SFSWAP: variants seen among roughly 807,000 people sequenced by gnomAD.
SFSWAP encodes splicing factor, suppressor of white-apricot homolog.
SFSWAP carries 17 observed loss-of-function variants against 100.7 expected under a neutral mutation model. That is an observed-to-expected ratio of 0.17 (90% CI 0.12 to 0.25). SFSWAP has a LOEUF of 0.25. Ranked by LOEUF, SFSWAP falls within the 10% of genes least tolerant of loss-of-function variation. The pLI, the probability that SFSWAP is intolerant of heterozygous loss-of-function variation, is 1.00. For missense variants in SFSWAP, 1,005 were observed against 1,262.6 expected (o/e 0.80, Z 3.09); for synonymous variants, 504 against 510.1 (o/e 0.99, Z 0.16).
At chr12:131,729,671 A>T (rs1323034192) in intron 7 of SFSWAP, among the ~76,000 whole-genome samples, 1 of 152,202 alleles carries the variant, frequency 6.6e-6, no homozygotes, top group African/African-American at 2.4e-5. Context: ...TTCCAGCGTC[A>T]GGTCTTTCTG....
intron 17 of SFSWAP, 99 bp from the exon 18 acceptor site, chr12:131,799,324 C>T (rs1358191960): frequency 3.0e-6 from 4 of 1,314,574 alleles, no homozygotes; most frequent in African/African-American, 1.5e-5. Flanking sequence ...GTGCTAGCAC[C>T]GTCTGGTCTT....
In SFSWAP at chr12:131,711,122, G is replaced by T. The variant is rs1239371065; in HGVS notation, c.-108G>T. On this transcript the variant is annotated 5_prime_UTR_variant, in exon 1 of 18. Coordinates refer to ENST00000261674, the MANE Select transcript of SFSWAP (RefSeq NM_004592.4). The surrounding 1 kb of genome is among the most constrained non-coding windows in gnomAD (Gnocchi z 4.9). ...GGCCCGCTATGGCGGCGGTGTTGAGGTTGGGTACGGGATGCGGGGTCTTTG... is the reference window on the plus strand; with the variant it reads ...GGCCCGCTATGGCGGCGGTGTTGAGTTTGGGTACGGGATGCGGGGTCTTTG... The T allele has an allele frequency of 2.3e-6, 2 of 887,706 alleles. No homozygotes were observed. Among genetic ancestry groups the T allele is most frequent in the Admixed American group, 5.7e-5 (2 of 34,876 alleles). The allele number at this position is 887,706 out of a possible 1,614,324, so 55.0% of individuals were successfully genotyped here.
chr12:131,762,205 C>T (rs918768247), intron 11 of SFSWAP, among the ~76,000 whole-genome samples: 1 of 151,976 alleles, frequency 6.6e-6, no homozygotes, highest in Non-Finnish European at 1.5e-5. Flanking sequence ...TGCACTTCAG[C>T]CTGGGCGACA....
Position 131,714,235 on chromosome 12 carries a change from G to A in SFSWAP, c.383G>A (p.Arg128Lys). ...ACGGACTTGCTTGAGGAGGAGGCAA[G>A]GCAAGGTACTGCTCAAGACAAACTT... ...LHTDLLEEEA[R>K]QEEEYKRLSE... is the part of the protein sequence containing the mutation. The change falls in exon 2 of 18, where the codon AGG (arginine) becomes AAG (lysine). Residue 128 changes from arginine to lysine, a missense_variant. Arg to Lys is a conservative substitution (Grantham distance 26, BLOSUM62 2). Coordinates refer to ENST00000261674, the MANE Select transcript of SFSWAP (RefSeq NM_004592.4). The surrounding 1 kb of genome is among the most constrained non-coding windows in gnomAD (Gnocchi z 6.0). 1 of 1,611,876 alleles carries A rather than the reference G, an allele frequency of 6.2e-7. No individual in the cohort carries two copies. The highest frequency in any genetic ancestry group is 1.7e-4 in the Middle Eastern group (1 of 6,058).
At chr12:131,781,910 A>G (rs1398367977) in intron 14 of SFSWAP, among the ~76,000 whole-genome samples, 1 of 152,238 alleles carries the variant, frequency 6.6e-6, no homozygotes, top group Non-Finnish European at 1.5e-5. Context: ...AAAACCTTCC[A>G]GGTGTTGGAT....
rs1884172803 is a variant in SFSWAP, at chr12:131,778,156, G to A, written c.2234G>A (p.Ser745Asn). Residue 745 changes from serine to asparagine, a missense_variant, in exon 14 of 18, where the codon AGC becomes AAC. By Grantham distance (46) the Ser-to-Asn change is conservative. Coordinates refer to ENST00000261674, the MANE Select transcript of SFSWAP (RefSeq NM_004592.4). This position sits in a 1 kb window ranked among gnomAD's most constrained non-coding sequence, Gnocchi z 4.2. ...VKPPDRPSSKSKDPPREEEKE... is the reference protein window; with the variant it reads ...VKPPDRPSSKNKDPPREEEKE... ...CCACCCGATAGGCCTTCGAGCAAAAGCAAAGATCCACCGAGAGAAGAAGAG... is the reference window on the plus strand; with the variant it reads ...CCACCCGATAGGCCTTCGAGCAAAAACAAAGATCCACCGAGAGAAGAAGAG... The A allele has an allele frequency of 6.2e-7, 1 of 1,612,040 alleles. No homozygotes were observed. Among genetic ancestry groups the A allele is most frequent in the East Asian group, 2.2e-5 (1 of 44,720 alleles).
chr12:131,760,664 TAAAA>T (rs991864230), intron 11 of SFSWAP, among the ~76,000 whole-genome samples: 1 of 151,592 alleles, frequency 6.6e-6, no homozygotes, highest in African/African-American at 2.4e-5. Flanking sequence ...TTTTTAAAAT[TAAAA>T]AAAAACTTGG....
intron 11 of SFSWAP, chr12:131,756,890 C>G (rs1448921375): frequency 2.3e-6 from 1 of 439,924 alleles, no homozygotes; most frequent in African/African-American, 2.0e-5. Context: ...GTTCAGTGTA[C>G]TGGACATTTG....
At chr12:131,770,985 G>A (rs1325520263) in intron 13 of SFSWAP, among the ~76,000 whole-genome samples, 1 of 152,158 alleles carries the variant, frequency 6.6e-6, no homozygotes, top group Non-Finnish European at 1.5e-5. Flanking sequence ...GGTATCCTCT[G>A]GGTCCAGCCA....
Position 131,735,699 on chromosome 12 carries a change from C to T in SFSWAP, c.1081+7271C>T, listed in dbSNP as rs550026809. ...TCCTGTGGTCCTCACGTGAGCTGCA[C>T]GCAGCGAGCAGAGCCCTGACTTCCA... On this transcript the variant is annotated intron_variant, in intron 7 of 17. Transcript: ENST00000261674. 6.8e-4 allele frequency among the ~76,000 whole-genome samples: 104 copies of T among 152,350 alleles called. 3 individuals carry two copies. In the South Asian group the frequency reaches 0.021, roughly 31 times the overall value.
intron 7 of SFSWAP, among the ~76,000 whole-genome samples, chr12:131,745,258 A>G (rs1881004078): frequency 6.6e-6 from 1 of 152,220 alleles, no homozygotes; most frequent in Non-Finnish European, 1.5e-5. Context: ...TATGAGATTT[A>G]TGTTATAGAG....
At chr12:131,729,206 A>G (rs192253049) in intron 7 of SFSWAP, among the ~76,000 whole-genome samples, 1 of 152,154 alleles carries the variant, frequency 6.6e-6, no homozygotes, top group Non-Finnish European at 1.5e-5. Flanking sequence ...TGCTTTCTTT[A>G]AAAAGGTTCA....
rs546589670 is a variant in SFSWAP at position 131,715,382 on chromosome 12, C to T, written c.520+429C>T. ...GTGACACATGCCCAGTGGAAGGACA[C>T]AGTGAGGGAGTTTCTACTCCCCAGA... is the stretch of plus-strand genomic sequence containing the variant. On this transcript the variant is annotated intron_variant, in intron 3 of 17. Transcript: ENST00000261674. 4.6e-5 allele frequency among the ~76,000 whole-genome samples: 7 copies of T among 152,326 alleles called. No homozygotes were observed. The East Asian group carries it at 1.2e-3, about 25-fold the overall frequency.
chr12:131,737,391 T>C (rs963308318), intron 7 of SFSWAP, among the ~76,000 whole-genome samples: 3 of 152,260 alleles, frequency 2.0e-5, no homozygotes, highest in Non-Finnish European at 4.4e-5. Context: ...CCTGCCCGTT[T>C]GCGCTGCTTG....
At chr12:131,721,194 A>G (rs193039046) in intron 4 of SFSWAP, among the ~76,000 whole-genome samples, 7 of 152,280 alleles carry the variant, frequency 4.6e-5, no homozygotes, top group African/African-American at 1.7e-4. Context: ...GATCCACCCC[A>G]TGATTCATTC....
chr12:131,723,163 A>G (rs1252160032), intron 4 of SFSWAP: 1 of 152,144 alleles, frequency 6.6e-6, no homozygotes, highest in Non-Finnish European at 1.5e-5. Flanking sequence ...TAATTTAGGT[A>G]CTGTATTGTC....
intron 7 of SFSWAP, among the ~76,000 whole-genome samples, chr12:131,732,017 C>A (rs1441940437): frequency 1.4e-5 from 2 of 144,128 alleles, no homozygotes; most frequent in African/African-American, 2.6e-5. Flanking sequence ...TCAAGCGAGT[C>A]TCCTGCCTCA....
intron 16 of SFSWAP, among the ~76,000 whole-genome samples, chr12:131,798,177 G>C (rs547120471): frequency 6.6e-6 from 1 of 152,106 alleles, no homozygotes; most frequent in Non-Finnish European, 1.5e-5. Context: ...GGTGGCACGC[G>C]TCTGTAATCC....
intron 14 of SFSWAP, chr12:131,785,164 G>A: frequency 1.3e-6 from 2 of 1,535,712 alleles, no homozygotes; most frequent in Non-Finnish European, 1.7e-6. Context: ...TTATCAGGCA[G>A]CCTCGACCAC....
Sources: allele counts gnomAD v4.1 joint callset (sites outside exome capture counted in the v4.1 genomes callset), GRCh38; gene constraint gnomAD v4.1.1; non-coding constraint Gnocchi (gnomAD v3.1); transcripts MANE v1.5; gene names NCBI Gene and HGNC (gene_info 2026-07-23, HGNC 2026-07-21).